Variants in CFAP299 observed in about 807,000 individuals in gnomAD.
CFAP299 encodes the protein cilia- and flagella-associated protein 299.
CFAP299 carries 21 observed loss-of-function variants against 27.0 expected under a neutral mutation model. The observed-to-expected ratio is 0.78, with a 90% CI of 0.55 to 1.12. CFAP299 has a LOEUF of 1.12. CFAP299 is among the 50% of genes most tolerant of loss of function. The pLI is 0.00. For synonymous variants in CFAP299, 104 were observed against 98.1 expected (o/e 1.06, Z -0.36); for missense variants, 310 against 276.6 (o/e 1.12, Z -0.86).
chr4:80,446,796 A>G (rs1384192027), intron 2 of CFAP299, among the ~76,000 whole-genome samples: 1 of 152,220 alleles, frequency 6.6e-6, no homozygotes, highest in African/African-American at 2.4e-5. Context: ...GAAAACTTCT[A>G]TCAATGACTC....
intron 2 of CFAP299, among the ~76,000 whole-genome samples, chr4:80,434,371 GCT>G (rs1204390088): frequency 6.6e-6 from 1 of 152,168 alleles, no homozygotes; most frequent in East Asian, 1.9e-4. Flanking sequence ...CATTTCCCAA[GCT>G]CCTTTGGAGG....
At chr4:80,634,852 G>A (rs1056667868) in intron 3 of CFAP299, among the ~76,000 whole-genome samples, 1 of 151,934 alleles carries the variant, frequency 6.6e-6, no homozygotes, top group Non-Finnish European at 1.5e-5. Context: ...TTTTTGGTTG[G>A]CAGAGTACCA....
In CFAP299 at chr4:80,594,728, A is replaced by G. The variant is rs530259663; in HGVS notation, c.333+11545A>G. ...TTATTCTATTCTCTGAATTACTTCT[A>G]TGTCTACCAGGATGAATTTTTCTTT... is the stretch of plus-strand genomic sequence containing the variant. On this transcript the variant is annotated intron_variant, in intron 3 of 5. Coordinates refer to ENST00000358105, the MANE Select transcript of CFAP299 (RefSeq NM_152770.3). Among the ~76,000 whole-genome samples, 20 of 152,126 alleles carry G rather than the reference A, an allele frequency of 1.3e-4. No homozygotes were observed. In the East Asian group the frequency reaches 2.7e-3, roughly 21 times the overall value.
intron 2 of CFAP299, among the ~76,000 whole-genome samples, chr4:80,567,968 C>A (rs1735393179): frequency 6.6e-6 from 1 of 151,420 alleles, no homozygotes; most frequent in South Asian, 2.1e-4. Context: ...GTGAAAGCCT[C>A]GCTTTTAAAA....
intron 3 of CFAP299, among the ~76,000 whole-genome samples, chr4:80,780,509 A>G (rs1726809528): frequency 6.6e-6 from 1 of 152,120 alleles, no homozygotes; most frequent in Non-Finnish European, 1.5e-5. Context: ...AGCATAAGGT[A>G]TAGAAATTAC....
chr4:80,600,403 GTA>G (rs540376800), intron 3 of CFAP299, among the ~76,000 whole-genome samples: 215 of 152,130 alleles, frequency 1.4e-3, no homozygotes, highest in Non-Finnish European at 2.1e-3. Flanking sequence ...CACTTCAATG[GTA>G]TAGTGCCTTG....
intron 2 of CFAP299, among the ~76,000 whole-genome samples, chr4:80,566,505 G>A (rs143445348): frequency 2.0e-5 from 3 of 152,022 alleles, no homozygotes; most frequent in Non-Finnish European, 2.9e-5. Context: ...CAGTTTCCAG[G>A]TATTTATTTA....
chr4:80,864,554 A>G lies in CFAP299; in HGVS notation c.334-5439A>G, dbSNP rs112010032. The stretch of plus-strand genomic sequence containing the variant: ...CATATACGTATATATAGGTATATAT[A>G]TATAATAACTAAAACGTTTGTTTCA... On this transcript the variant is annotated intron_variant, in intron 3 of 5. Transcript: ENST00000358105. 4.6e-3 allele frequency among the ~76,000 whole-genome samples: 677 copies of G among 148,308 alleles called. 4 individuals are homozygous for G. The highest frequency in any genetic ancestry group is 0.016 in the African/African-American group (643 of 40,718).
At chr4:80,855,528 G>A (rs1731806424) in intron 3 of CFAP299, among the ~76,000 whole-genome samples, 1 of 152,122 alleles carries the variant, frequency 6.6e-6, no homozygotes, top group South Asian at 2.1e-4. Flanking sequence ...CTAGCATTAG[G>A]TATATCTCAC....
intron 2 of CFAP299, chr4:80,388,426 G>C: frequency 2.5e-6 from 2 of 801,118 alleles, no homozygotes; most frequent in South Asian, 3.0e-5. Flanking sequence ...CCGAAGGTGT[G>C]TAGATTGTGT....
chr4:80,690,374 T>C (rs1478424024), intron 3 of CFAP299, among the ~76,000 whole-genome samples: 1 of 151,962 alleles, frequency 6.6e-6, no homozygotes, highest in African/African-American at 2.4e-5. Context: ...AAACTAGAAC[T>C]CAGGATTAAG....
chr4:80,384,169 C>T (rs916218290), intron 2 of CFAP299, among the ~76,000 whole-genome samples: 12 of 152,218 alleles, frequency 7.9e-5, no homozygotes, highest in African/African-American at 2.6e-4. Flanking sequence ...CCTACAAACG[C>T]ACACAAATAC....
intron 2 of CFAP299, among the ~76,000 whole-genome samples, chr4:80,437,106 G>T (rs1728128342): frequency 1.3e-5 from 2 of 152,116 alleles, no homozygotes; most frequent in African/African-American, 4.8e-5. Context: ...ATAATAACCA[G>T]ATAAATGACT....
At chr4:80,399,079 C>T (rs917870867) in intron 2 of CFAP299, among the ~76,000 whole-genome samples, 2 of 152,098 alleles carry the variant, frequency 1.3e-5, no homozygotes, top group Non-Finnish European at 2.9e-5. Context: ...AGCCAGCAGA[C>T]ACATGAAAAA....
At chr4:80,351,173 A>T (rs1379946980) in intron 1 of CFAP299, among the ~76,000 whole-genome samples, 1 of 152,200 alleles carries the variant, frequency 6.6e-6, no homozygotes, top group Admixed American at 6.5e-5. Context: ...ATATATAAGC[A>T]GGAAACTTGG....
chr4:80,730,228 T>TTCTCTCTC (rs569112636), intron 3 of CFAP299, among the ~76,000 whole-genome samples: 64 of 134,214 alleles, frequency 4.8e-4, no homozygotes, highest in African/African-American at 1.6e-3. Context: ...AGGTCTCTCT[T>TTCTCTCTC]TCTCTCTCTC....
chr4:80,419,366 C>T (rs1048227793), intron 2 of CFAP299, among the ~76,000 whole-genome samples: 1 of 152,146 alleles, frequency 6.6e-6, no homozygotes, highest in African/African-American at 2.4e-5. Flanking sequence ...GGGAGGAATG[C>T]ATGAGCATTG....
chr4:80,424,792 T>C (rs1224172302), intron 2 of CFAP299, among the ~76,000 whole-genome samples: 1 of 152,174 alleles, frequency 6.6e-6, no homozygotes, highest in African/African-American at 2.4e-5. Context: ...AAAATATATT[T>C]AAGAACCTCT....
At chr4:80,383,938 C>G (rs1256899849) in intron 2 of CFAP299, among the ~76,000 whole-genome samples, 1 of 151,976 alleles carries the variant, frequency 6.6e-6, no homozygotes, top group Non-Finnish European at 1.5e-5. Context: ...TTTTCAATGT[C>G]CACTTGCTTG....
Sources: gnomAD v4.1 joint callset for allele counts (sites outside exome capture counted in the v4.1 genomes callset) on GRCh38, gnomAD v4.1.1 for gene constraint, MANE v1.5 for transcripts, NCBI Gene and HGNC (gene_info 2026-07-23, HGNC 2026-07-21) for gene names.